MCF2L: variants seen among roughly 807,000 people sequenced by gnomAD.
MCF2L encodes the protein MCF.2 cell line derived transforming sequence like.
In MCF2L, 97 loss-of-function variants were observed where a neutral mutation model predicts 153.4. The observed-to-expected ratio is 0.63, with a 90% confidence interval of 0.54 to 0.75. The LOEUF (loss-of-function observed/expected upper bound fraction) is 0.75. MCF2L is among the 30% of genes least tolerant of loss of function. The pLI is 0.00. For synonymous variants in MCF2L, 659 were observed against 632.2 expected (o/e 1.04, Z -0.64); for missense variants, 1,347 against 1,495.2 (o/e 0.90, Z 1.64).
chr13:113,074,329 G>A lies in MCF2L; in HGVS notation c.997-115G>A. On this transcript the variant is annotated intron_variant, in intron 9 of 29. Coordinates refer to ENST00000535094, the MANE Select transcript of MCF2L (RefSeq NM_001112732.3). The surrounding 1 kb of genome is among the most constrained non-coding windows in gnomAD (Gnocchi z 4.2). The stretch of plus-strand genomic sequence containing the variant: ...TGACTGTGGTCCCTGCTTGATTGAT[G>A]ACCACTTGGCCCGACTTTGAATTCT... 7.4e-7 allele frequency: 1 copy of A among 1,350,966 alleles called. No homozygotes were observed. The highest frequency in any genetic ancestry group is 1.0e-6 in the Non-Finnish European group (1 of 964,314). 83.7% of individuals were successfully genotyped at this position (1,350,966 alleles called of 1,614,324 possible).
intron 2 of MCF2L, among the ~76,000 whole-genome samples, chr13:113,023,214 G>A (rs992841121): frequency 6.6e-6 from 1 of 152,264 alleles, no homozygotes; most frequent in African/African-American, 2.4e-5. Context: ...CTCAAAGGAG[G>A]TTAGGAAGGA....
At chr13:113,079,731 G>A (rs1012967594) in intron 15 of MCF2L, among the ~76,000 whole-genome samples, 30 of 152,274 alleles carry the variant, frequency 2.0e-4, no homozygotes, top group African/African-American at 5.8e-4. Flanking sequence ...GCCAAGAAGC[G>A]TCCAGGCAGA....
At chr13:113,081,388 C>A in intron 16 of MCF2L, 109 bp downstream of exon 16, 1 of 1,106,174 alleles carries the variant, frequency 9.0e-7, no homozygotes, top group Non-Finnish European at 1.3e-6. Context: ...CCACCAAATG[C>A]ATGTGAGAGA....
chr13:112,897,425 TCTC>T (rs2081078244), intron 1 of MCF2L, among the ~76,000 whole-genome samples: 1 of 152,116 alleles, frequency 6.6e-6, no homozygotes, highest in Non-Finnish European at 1.5e-5. Context: ...ATGCCTGGGA[TCTC>T]CTCGGAGCCC....
chr13:113,002,807 G>A (rs2083456065), intron 1 of MCF2L, among the ~76,000 whole-genome samples: 1 of 152,216 alleles, frequency 6.6e-6, no homozygotes, highest in African/African-American at 2.4e-5. Flanking sequence ...AAGCATCTTT[G>A]TGAATTTTAG....
chr13:113,014,835 C>T lies in MCF2L; in HGVS notation c.152C>T (p.Ala51Val). 1.2e-6 allele frequency: 2 copies of T among 1,613,978 alleles called. No homozygotes were observed. Among genetic ancestry groups the T allele is most frequent in the Non-Finnish European group, 1.7e-6 (2 of 1,179,982 alleles). ...CAGGACCAGCTAAAGAAGCGCTTTG[C>T]TTACCTGTCCGGTGAGTTCCAGAAG... ...DIQDQLKKRF[A>V]YLSGGRGQDG... Residue 51 changes from alanine to valine, a missense_variant, in exon 2 of 30, where the codon GCT (alanine) becomes GTT (valine). Ala to Val is a moderately conservative substitution (Grantham distance 64). Around this residue, in one of 3 missense-constraint regions of MCF2L, gnomAD observed 820 missense variants for 921.2 expected, o/e 0.89. Coordinates refer to ENST00000535094, the MANE Select transcript of MCF2L (RefSeq NM_001112732.3).
chr13:113,005,782 T>G (rs1411688528), intron 1 of MCF2L, among the ~76,000 whole-genome samples: 1 of 152,126 alleles, frequency 6.6e-6, no homozygotes, highest in African/African-American at 2.4e-5. Flanking sequence ...CAGTCACCAG[T>G]GAGTTTGGTG....
chr13:113,013,990 G>T (rs1022012894), intron 1 of MCF2L, among the ~76,000 whole-genome samples: 5 of 149,722 alleles, frequency 3.3e-5, no homozygotes, highest in Non-Finnish European at 7.4e-5. Context: ...CTCCCAGCTG[G>T]TGCTGGCCCC....
chr13:113,078,778 G>A (rs377586571), intron 15 of MCF2L, 39 bp downstream of exon 15: 220 of 1,547,908 alleles, frequency 1.4e-4, no homozygotes, highest in African/African-American at 2.6e-4. Context: ...GGGGCCCTCC[G>A]ACCGCAGCCT....
At position 112,969,215 on chromosome 13, in the gene MCF2L, C is replaced by T. The variant is rs1030244951; in HGVS notation, c.-165C>T. The T allele has an allele frequency of 1.1e-5, 13 of 1,163,400 alleles. No individual in the cohort carries two copies. In the South Asian group the frequency reaches 4.2e-4, roughly 38 times the overall value. 72.1% of individuals were successfully genotyped at this position (1,163,400 alleles called of 1,614,324 possible). A position where few individuals can be genotyped will look rare whatever the true frequency, so the allele number is the denominator to read the frequency against. Reference sequence around the variant, plus strand: ...AGCGCGCGCCCCCCTCCCGGTGGCGCGGAACCAATCCTGGGCAGGGAGGCG... The same window carrying T: ...AGCGCGCGCCCCCCTCCCGGTGGCGTGGAACCAATCCTGGGCAGGGAGGCG... On this transcript the variant is annotated 5_prime_UTR_variant, in exon 1 of 30. Transcript: ENST00000535094. The surrounding 1 kb of genome is among the most constrained non-coding windows in gnomAD (Gnocchi z 4.8).
chr13:112,966,444 G>A (rs1041930770), upstream of MCF2L, among the ~76,000 whole-genome samples: 2 of 152,174 alleles, frequency 1.3e-5, no homozygotes, highest in African/African-American at 2.4e-5. The surrounding 1 kb of genome is among the most constrained non-coding windows in gnomAD (Gnocchi z 4.1). Context: ...GCCCACCCAC[G>A]TTATGTCACA....
At position 113,046,689 on chromosome 13, in the gene MCF2L, T is replaced by C; in HGVS notation, c.369+1328T>C. 1 of 531,428 alleles carries C rather than the reference T, an allele frequency of 1.9e-6. No homozygotes were observed. The highest frequency in any genetic ancestry group is 3.9e-6 in the Non-Finnish European group (1 of 259,082). 32.9% of individuals were successfully genotyped at this position (531,428 alleles called of 1,614,324 possible). A position where few individuals can be genotyped will look rare whatever the true frequency, so the allele number is the denominator to read the frequency against. On this transcript the variant is annotated intron_variant, in intron 4 of 29. Coordinates refer to ENST00000535094, the MANE Select transcript of MCF2L (RefSeq NM_001112732.3). The surrounding 1 kb of genome is among the most constrained non-coding windows in gnomAD (Gnocchi z 4.4). Reference sequence around the variant, plus strand: ...AGCCGCTGGTTCTCATCGAAGTCTTTAGGATGAGGCATCTCCTTGCACCCC... The same window carrying C: ...AGCCGCTGGTTCTCATCGAAGTCTTCAGGATGAGGCATCTCCTTGCACCCC...
At chr13:113,075,914 C>T (rs896483497) in intron 11 of MCF2L, 52 bp from the exon 12 acceptor site, 22 of 1,404,122 alleles carry the variant, frequency 1.6e-5, no homozygotes, top group Middle Eastern at 2.5e-4. Flanking sequence ...GACAGGGTGA[C>T]GCTCTCACCC....
At chr13:113,024,212 T>C (rs1460149377) in intron 2 of MCF2L, among the ~76,000 whole-genome samples, 2 of 152,244 alleles carry the variant, frequency 1.3e-5, no homozygotes, top group Non-Finnish European at 2.9e-5. Context: ...GGCAGGTTAT[T>C]AGTGCACATG....
chr13:112,944,483 G>A (rs1343616305), intron 2 of MCF2L, among the ~76,000 whole-genome samples: 1 of 151,822 alleles, frequency 6.6e-6, no homozygotes, highest in Non-Finnish European at 1.5e-5. Flanking sequence ...CGCGTTCCTA[G>A]TATGCGTTCC....
chr13:113,066,818 G>C (rs60576825), intron 8 of MCF2L, among the ~76,000 whole-genome samples: 4 of 151,704 alleles, frequency 2.6e-5, no homozygotes, highest in Non-Finnish European at 5.9e-5. Context: ...AGCAGGGCCC[G>C]CACAGCTGGA....
chr13:112,910,954 C>G (rs1436159459), intron 2 of MCF2L, among the ~76,000 whole-genome samples: 1 of 150,094 alleles, frequency 6.7e-6, no homozygotes, highest in African/African-American at 2.5e-5. Context: ...TAAATGAAGC[C>G]GCAGCCAAAA....
Position 113,020,819 on chromosome 13 carries a change from G to A in MCF2L, c.164-3825G>A, listed in dbSNP as rs142954994. Among the ~76,000 whole-genome samples, 97 of 151,756 alleles carry A rather than the reference G, an allele frequency of 6.4e-4. 1 individual carries two copies. Among genetic ancestry groups the A allele is most frequent in the East Asian group, 3.5e-3 (18 of 5,166 alleles). ...AGATGTGTGTATGTATAGTGTGTGCGCGTGTGAATGTGTAGCTATGTATGT... is the reference window on the plus strand; with the variant it reads ...AGATGTGTGTATGTATAGTGTGTGCACGTGTGAATGTGTAGCTATGTATGT... On this transcript the variant is annotated intron_variant, in intron 2 of 29. Coordinates refer to ENST00000535094, the MANE Select transcript of MCF2L (RefSeq NM_001112732.3).
intron 2 of MCF2L, among the ~76,000 whole-genome samples, chr13:113,022,774 C>T (rs963952286): frequency 3.9e-5 from 6 of 152,212 alleles, no homozygotes; most frequent in Non-Finnish European, 5.9e-5. Flanking sequence ...GCCCCCACCG[C>T]GGCGGCGGCT....
Sources: allele counts gnomAD v4.1 joint callset (sites outside exome capture counted in the v4.1 genomes callset), GRCh38; gene constraint gnomAD v4.1.1; regional missense constraint gnomAD v4.1.1; non-coding constraint Gnocchi (gnomAD v3.1); transcripts MANE v1.5; gene names NCBI Gene and HGNC (gene_info 2026-07-23, HGNC 2026-07-21).